CSMD1: variants seen among roughly 807,000 people sequenced by gnomAD.
The protein encoded by CSMD1 is CUB and sushi domain-containing protein 1.
CSMD1 carries 213 observed loss-of-function variants against 417.5 expected under a neutral mutation model. That is an observed-to-expected ratio of 0.51 (90% CI 0.46 to 0.57). The LOEUF (loss-of-function observed/expected upper bound fraction) is 0.57, where lower values mean the gene tolerates loss of function less well. Among genes scored for constraint, CSMD1 ranks in the 20% least tolerant of loss-of-function variants. The probability of loss-of-function intolerance (pLI) is 0.00; values close to 1 mark genes in which losing one functional copy is unlikely to be tolerated. For missense variants in CSMD1, 6,923 were observed against 4,529.7 expected (o/e 1.53, Z -15.17); for synonymous variants, 2,862 against 1,736.8 (o/e 1.65, Z -16.11).
intron 1 of CSMD1, among the ~76,000 whole-genome samples, chr8:4,758,892 G>A (rs1260725762): frequency 1.3e-5 from 2 of 152,142 alleles, no homozygotes; most frequent in African/African-American, 2.4e-5. Flanking sequence ...AGGACACAAA[G>A]CTTAACCACA....
chr8:4,130,445 T>G (rs535489329), intron 3 of CSMD1, among the ~76,000 whole-genome samples: 1 of 152,270 alleles, frequency 6.6e-6, no homozygotes, highest in Non-Finnish European at 1.5e-5. Flanking sequence ...AGTGCAAAAA[T>G]TTCTGGTTCT....
At chr8:3,259,149 T>C (rs765205640) in intron 26 of CSMD1, among the ~76,000 whole-genome samples, 2 of 152,228 alleles carry the variant, frequency 1.3e-5, no homozygotes, top group Non-Finnish European at 1.5e-5. Context: ...TAGGGCCATA[T>C]TGAGCTGAAA....
intron 3 of CSMD1, among the ~76,000 whole-genome samples, chr8:4,408,369 A>T (rs1477234235): frequency 1.3e-5 from 2 of 152,196 alleles, no homozygotes; most frequent in African/African-American, 4.8e-5. Flanking sequence ...ATCATCCTCT[A>T]CTGTCAAAAA....
chr8:4,324,406 T>C (rs1182296067), intron 3 of CSMD1, among the ~76,000 whole-genome samples: 2 of 152,198 alleles, frequency 1.3e-5, no homozygotes, highest in African/African-American at 2.4e-5. Flanking sequence ...GAGGGGTTCC[T>C]CACCCTGGCA....
chr8:3,847,310 T>C (rs529625473), intron 5 of CSMD1, among the ~76,000 whole-genome samples: 7 of 152,278 alleles, frequency 4.6e-5, no homozygotes, highest in African/African-American at 1.4e-4. Context: ...TGGGAGAACC[T>C]GACCTACTTA....
intron 3 of CSMD1, among the ~76,000 whole-genome samples, chr8:4,072,463 T>C (rs924704939): frequency 6.6e-6 from 1 of 152,210 alleles, no homozygotes; most frequent in Non-Finnish European, 1.5e-5. Context: ...GACTTTATTA[T>C]TTCGCACTTG....
At chr8:3,463,715 G>A (rs1315478009) in intron 12 of CSMD1, among the ~76,000 whole-genome samples, 1 of 152,202 alleles carries the variant, frequency 6.6e-6, no homozygotes, top group African/African-American at 2.4e-5. Flanking sequence ...GGGCGAGACT[G>A]GGCTGGGTAA....
intron 3 of CSMD1, among the ~76,000 whole-genome samples, chr8:4,090,435 A>G (rs550475106): frequency 1.3e-5 from 2 of 152,074 alleles, no homozygotes; most frequent in Admixed American, 1.3e-4. Context: ...GACGTGTTTA[A>G]TTTTTTTAAG....
chr8:3,033,747 C>A (rs1247726048), intron 50 of CSMD1, among the ~76,000 whole-genome samples: 1 of 151,968 alleles, frequency 6.6e-6, no homozygotes, highest in African/African-American at 2.4e-5. Flanking sequence ...GCACATGATT[C>A]CCAGAACTTA....
intron 1 of CSMD1, among the ~76,000 whole-genome samples, chr8:4,759,199 T>C (rs1192884721): frequency 6.6e-6 from 1 of 152,190 alleles, no homozygotes; most frequent in Non-Finnish European, 1.5e-5. Flanking sequence ...TGTCTTGACT[T>C]GAGGCCAGAG....
rs190583143 is a variant in CSMD1, at chr8:3,056,840, T to A, written c.7475-4193A>T. The stretch of plus-strand genomic sequence containing the variant: ...AAGAATTTTTTATTAAAATTATATA[T>A]GTATATAGAAGTATAAATATATGTA... On this transcript the variant is annotated intron_variant, in intron 49 of 69. Transcript: ENST00000635120. Among the ~76,000 whole-genome samples the A allele has an allele frequency of 6.8e-4, 104 of 152,044 alleles. 1 individual carries two copies. In the East Asian group the frequency reaches 0.019, roughly 28 times the overall value.
intron 2 of CSMD1, among the ~76,000 whole-genome samples, chr8:4,421,850 G>C (rs1233824616): frequency 6.6e-6 from 1 of 151,694 alleles, no homozygotes; most frequent in Non-Finnish European, 1.5e-5. Context: ...AAAATTGAAA[G>C]AAAAAAGAAC....
chr8:4,676,986 TTA>T (rs1166148768), intron 1 of CSMD1, among the ~76,000 whole-genome samples: 5 of 146,068 alleles, frequency 3.4e-5, no homozygotes, highest in African/African-American at 7.4e-5. Flanking sequence ...ATTATATATT[TTA>T]TATATATATA....
At chr8:3,198,107 AAACG>A (rs1796799614) in intron 33 of CSMD1, among the ~76,000 whole-genome samples, 3 of 152,204 alleles carry the variant, frequency 2.0e-5, no homozygotes, top group Non-Finnish European at 4.4e-5. Context: ...ATTTTGATGA[AAACG>A]TATTACTTTA....
chr8:4,531,287 T>C (rs778643339), intron 2 of CSMD1, among the ~76,000 whole-genome samples: 3 of 152,134 alleles, frequency 2.0e-5, no homozygotes, highest in Non-Finnish European at 4.4e-5. Context: ...ACAACAAAAA[T>C]AACTAAACCC....
intron 26 of CSMD1, among the ~76,000 whole-genome samples, chr8:3,257,157 G>C (rs778593478): frequency 6.6e-6 from 1 of 151,996 alleles, no homozygotes; most frequent in Admixed American, 6.6e-5. Context: ...CCCCATCTCC[G>C]CTAAAAACAC....
intron 1 of CSMD1, chr8:4,787,499 T>A (rs912719516): frequency 1.1e-6 from 1 of 923,494 alleles, no homozygotes; most frequent in African/African-American, 1.6e-5. Flanking sequence ...AATCACCAGT[T>A]GTATTTTTCA....
intron 2 of CSMD1, among the ~76,000 whole-genome samples, chr8:4,447,845 C>G (rs181313255): frequency 3.4e-4 from 51 of 152,172 alleles, no homozygotes; most frequent in Non-Finnish European, 7.2e-4. Context: ...AAGTGATAAA[C>G]TTAAAAAAGT....
intron 23 of CSMD1, among the ~76,000 whole-genome samples, chr8:3,315,813 TAATA>T (rs1805715214): frequency 2.0e-5 from 3 of 152,224 alleles, no homozygotes; most frequent in Admixed American, 6.5e-5. Context: ...AGCAAACTTT[TAATA>T]AATCATAAAG....
Sources: gnomAD v4.1 joint callset for allele counts (sites outside exome capture counted in the v4.1 genomes callset) on GRCh38, gnomAD v4.1.1 for gene constraint, MANE v1.5 for transcripts, NCBI Gene and HGNC (gene_info 2026-07-23, HGNC 2026-07-21) for gene names.